LGSN: variants seen among roughly 807,000 people sequenced by gnomAD.
The protein encoded by LGSN is lengsin, lens protein with glutamine synthetase domain, also known as lengsin.
Under a neutral mutation model 19.5 loss-of-function variants are expected in LGSN, and 21 were observed. That is an observed-to-expected ratio of 1.07 (90% CI 0.76 to 1.55). LGSN has a LOEUF of 1.55. LGSN is among the 40% of genes most tolerant of loss of function. The pLI is 0.00. For missense variants in LGSN, 673 were observed against 608.5 expected, an observed-to-expected ratio of 1.11 and a Z score of -1.12; for synonymous variants, 257 against 215.6, an observed-to-expected ratio of 1.19 and a Z score of -1.68.
the LGSN span, among the ~76,000 whole-genome samples, chr6:63,350,479 A>T: frequency 1.3e-5 from 2 of 152,242 alleles, no homozygotes; most frequent in Non-Finnish European, 1.5e-5. Flanking sequence ...AAGATTTAAA[A>T]TTTTTTACTT....
chr6:63,456,469 G>T, the LGSN span, among the ~76,000 whole-genome samples: 2 of 145,870 alleles, frequency 1.4e-5, no homozygotes, highest in Admixed American at 1.4e-4. Context: ...AGACTCAAGC[G>T]CCCCTCAGCC....
Position 63,280,489 on chromosome 6 carries a change from C to A in LGSN, c.1062G>T (p.Ala354=), listed in dbSNP as rs138743031. Residue 354 remains alanine (A), a synonymous_variant, in exon 4 of 4, where the codon GCG becomes GCT. Coordinates refer to ENST00000370657, the MANE Select transcript of LGSN (RefSeq NM_016571.3). ...CAGAAGGCGCCATCAGGCAGCTGAGCGCAGCAGAGTGCTTCAAGAGTCCTG... is the reference window on the plus strand; with the variant it reads ...CAGAAGGCGCCATCAGGCAGCTGAGAGCAGCAGAGTGCTTCAAGAGTCCTG... ...WLAGLLKHSA[A]LSCLMAPSVS... is the part of the protein sequence containing the mutation. 3 of 1,614,094 alleles carry A rather than the reference C, an allele frequency of 1.9e-6. No homozygotes were observed. The South Asian group carries it at 3.3e-5, about 18-fold the overall frequency.
At chr6:63,497,471 T>G in the LGSN span, among the ~76,000 whole-genome samples, 1 of 152,046 alleles carries the variant, frequency 6.6e-6, no homozygotes, top group Admixed American at 6.6e-5. Context: ...GAGAATCACT[T>G]GAACCCGCGA....
chr6:63,480,466 A>C, the LGSN span: 1 of 166,506 alleles, frequency 6.0e-6, no homozygotes, highest in Non-Finnish European at 1.3e-5. Flanking sequence ...AGGGGGAGGA[A>C]AGCAAAGAAT....
chr6:63,302,234 AATT>A (rs1768209696), intron 1 of LGSN, among the ~76,000 whole-genome samples: 2 of 152,210 alleles, frequency 1.3e-5, no homozygotes, highest in Non-Finnish European at 2.9e-5. Flanking sequence ...TATCAGCAAT[AATT>A]ATGTTTATTT....
the LGSN span, chr6:63,521,727 T>G: frequency 6.6e-6 from 1 of 152,230 alleles, no homozygotes; most frequent in Non-Finnish European, 1.5e-5. Flanking sequence ...CTTAAGCTCC[T>G]GCACTTTCTG....
At chr6:63,462,043 C>T in the LGSN span, among the ~76,000 whole-genome samples, 1 of 152,126 alleles carries the variant, frequency 6.6e-6, no homozygotes, top group Non-Finnish European at 1.5e-5. Context: ...ACTTTTCCTT[C>T]GTTTCTTCTG....
chr6:63,492,764 T>C, the LGSN span, among the ~76,000 whole-genome samples: 1 of 152,166 alleles, frequency 6.6e-6, no homozygotes, highest in East Asian at 1.9e-4. Flanking sequence ...CTATATAAAG[T>C]TCAGTAAACA....
rs1166269776 is a variant in LGSN at position 63,280,912 on chromosome 6, A to G, written c.639T>C (p.Phe213=). The G allele has an allele frequency of 6.2e-7, 1 of 1,614,098 alleles. No individual in the cohort carries two copies. Among genetic ancestry groups the G allele is most frequent in the Non-Finnish European group, 8.5e-7 (1 of 1,180,022 alleles). The change falls in exon 4 of 4, where the codon TTT becomes TTC. Residue 213 remains phenylalanine, a synonymous_variant. Transcript: ENST00000370657. ...LSAFIYDFCI[F]GVPEILNSKI... is the part of the protein sequence containing the mutation. ...TTGAATTTAAAATTTCGGGCACACC[A>G]AAAATGCAAAAATCATAGATGAAAG...
chr6:63,336,660 C>T, the LGSN span, among the ~76,000 whole-genome samples: 2 of 150,818 alleles, frequency 1.3e-5, no homozygotes, highest in African/African-American at 2.4e-5. Flanking sequence ...GACTCTCGTT[C>T]TGTCACCCAG....
the LGSN span, among the ~76,000 whole-genome samples, chr6:63,416,626 G>C: frequency 6.6e-6 from 1 of 151,840 alleles, no homozygotes; most frequent in African/African-American, 2.4e-5. Context: ...GCCCTGGCTG[G>C]AGTGCAATGA....
chr6:63,340,267 T>C, the LGSN span, among the ~76,000 whole-genome samples: 2 of 152,132 alleles, frequency 1.3e-5, no homozygotes, highest in Non-Finnish European at 2.9e-5. Context: ...TTAAATCTAT[T>C]TGGGGATCTT....
chr6:63,472,610 C>T, the LGSN span, among the ~76,000 whole-genome samples: 1 of 152,128 alleles, frequency 6.6e-6, no homozygotes, highest in Non-Finnish European at 1.5e-5. Flanking sequence ...TTCCACCAAA[C>T]ACTGAAGGCA....
the LGSN span, among the ~76,000 whole-genome samples, chr6:63,562,585 C>G: frequency 6.6e-6 from 1 of 152,190 alleles, no homozygotes; most frequent in Non-Finnish European, 1.5e-5. Context: ...TAACTAATTT[C>G]TATCTCAGAG....
intron 2 of LGSN, among the ~76,000 whole-genome samples, chr6:63,292,759 G>T (rs1767828736): frequency 6.6e-6 from 1 of 152,198 alleles, no homozygotes; most frequent in Non-Finnish European, 1.5e-5. Context: ...ACTGCCCATG[G>T]CTGATTTTTA....
chr6:63,332,514 A>G, the LGSN span, among the ~76,000 whole-genome samples: 1 of 152,170 alleles, frequency 6.6e-6, no homozygotes, highest in Admixed American at 6.5e-5. Context: ...GGCTCAGCCC[A>G]GAAGTAAAGG....
the LGSN span, among the ~76,000 whole-genome samples, chr6:63,366,709 C>A: frequency 5.3e-5 from 8 of 152,246 alleles, no homozygotes; most frequent in Middle Eastern, 3.4e-3. Flanking sequence ...GCTACAGTAA[C>A]CAAAACAGCA....
the LGSN span, among the ~76,000 whole-genome samples, chr6:63,357,167 T>A: frequency 1.3e-5 from 2 of 152,154 alleles, no homozygotes; most frequent in African/African-American, 4.8e-5. Flanking sequence ...GAACTCATCA[T>A]TTTTTTATGG....
chr6:63,344,780 A>G, the LGSN span, among the ~76,000 whole-genome samples: 14 of 152,308 alleles, frequency 9.2e-5, no homozygotes, highest in South Asian at 4.1e-4. Context: ...ATTAGCCCAA[A>G]GGAAAACAAA....
Sources: allele counts gnomAD v4.1 joint callset (sites outside exome capture counted in the v4.1 genomes callset), GRCh38; gene constraint gnomAD v4.1.1; transcripts MANE v1.5; gene names NCBI Gene and HGNC (gene_info 2026-07-23, HGNC 2026-07-21).